Variants in STPG2 observed in about 807,000 individuals in gnomAD.
STPG2 encodes the protein sperm-tail PG-rich repeat-containing protein 2.
STPG2 carries 56 observed loss-of-function variants against 54.2 expected under a neutral mutation model. The ratio of observed to expected loss-of-function variants is 1.03; its 90% confidence interval spans 0.83 to 1.29. The LOEUF is 1.29. STPG2 is among the 50% of genes most tolerant of loss of function. The pLI is 0.00. For synonymous variants in STPG2, 200 were observed against 181.8 expected (o/e 1.10, Z -0.81); for missense variants, 596 against 544.9 (o/e 1.09, Z -0.93).
chr4:97,646,938 A>G (rs923975490), intron 10 of STPG2, among the ~76,000 whole-genome samples: 4 of 152,130 alleles, frequency 2.6e-5, no homozygotes, highest in African/African-American at 9.7e-5. Context: ...GATAGTCATT[A>G]GGCGTCTCGA....
At chr4:97,815,593 T>G (rs1727883605) in intron 9 of STPG2, among the ~76,000 whole-genome samples, 1 of 152,182 alleles carries the variant, frequency 6.6e-6, no homozygotes, top group South Asian at 2.1e-4. Flanking sequence ...TTATGGTATT[T>G]AAGTATTGTT....
intron 8 of STPG2, among the ~76,000 whole-genome samples, chr4:97,931,356 C>T (rs1006881637): frequency 6.6e-6 from 1 of 152,142 alleles, no homozygotes; most frequent in Non-Finnish European, 1.5e-5. Flanking sequence ...GGGAAATATT[C>T]ATTCAATACC....
At chr4:97,880,354 G>A (rs1730325202) in intron 8 of STPG2, among the ~76,000 whole-genome samples, 1 of 152,178 alleles carries the variant, frequency 6.6e-6, no homozygotes, top group Non-Finnish European at 1.5e-5. Flanking sequence ...AAGCAAAATA[G>A]CAACTGGCAA....
At chr4:97,796,454 G>C (rs1727183111) in intron 9 of STPG2, among the ~76,000 whole-genome samples, 1 of 152,148 alleles carries the variant, frequency 6.6e-6, no homozygotes. Flanking sequence ...TTATTAAATA[G>C]GGAATCCTTT....
chr4:97,700,760 A>C (rs984531284), intron 10 of STPG2, among the ~76,000 whole-genome samples: 2 of 152,224 alleles, frequency 1.3e-5, no homozygotes, highest in Non-Finnish European at 2.9e-5. Context: ...TAGGACTGTA[A>C]AGGTATAATG....
intron 8 of STPG2, among the ~76,000 whole-genome samples, chr4:97,876,762 G>A (rs763851164): frequency 1.3e-5 from 2 of 151,762 alleles, no homozygotes; most frequent in African/African-American, 2.4e-5. Flanking sequence ...TACATAAACA[G>A]TATTTCATTA....
chr4:97,995,046 G>T (rs1735157764), intron 5 of STPG2, among the ~76,000 whole-genome samples: 1 of 151,946 alleles, frequency 6.6e-6, no homozygotes, highest in Non-Finnish European at 1.5e-5. Context: ...GATTATGGTT[G>T]TCTTTGCTGC....
chr4:97,965,314 G>C (rs1020450636), intron 7 of STPG2, among the ~76,000 whole-genome samples: 1 of 152,194 alleles, frequency 6.6e-6, no homozygotes, highest in Non-Finnish European at 1.5e-5. Context: ...GCTGAGGCTT[G>C]AGTAGGTAAA....
At chr4:98,010,223 TA>T (rs1735702508) in intron 5 of STPG2, among the ~76,000 whole-genome samples, 1 of 152,130 alleles carries the variant, frequency 6.6e-6, no homozygotes, top group African/African-American at 2.4e-5. Context: ...TTGATGTAGG[TA>T]TTTATTGATA....
chr4:97,785,050 C>A (rs1465452827), intron 9 of STPG2, among the ~76,000 whole-genome samples: 1 of 151,988 alleles, frequency 6.6e-6, no homozygotes, highest in African/African-American at 2.4e-5. Context: ...AGAGGTGCTA[C>A]AATTTTCTTA....
At chr4:97,529,394 T>C (rs1731362833) in intron 4 of STPG2, among the ~76,000 whole-genome samples, 1 of 152,218 alleles carries the variant, frequency 6.6e-6, no homozygotes. Flanking sequence ...CAGTATTTTA[T>C]TGAGGATTTT....
intron 3 of STPG2, among the ~76,000 whole-genome samples, chr4:98,119,308 T>C (rs1560687890): frequency 6.6e-6 from 1 of 152,028 alleles, no homozygotes; most frequent in Non-Finnish European, 1.5e-5. Flanking sequence ...TAAACAAACC[T>C]TCAGATATTC....
chr4:98,114,589 C>T (rs1739454072), intron 3 of STPG2, among the ~76,000 whole-genome samples: 1 of 151,918 alleles, frequency 6.6e-6, no homozygotes, highest in Admixed American at 6.6e-5. Flanking sequence ...GGATTCAAGA[C>T]CTTGAGCAGG....
chr4:97,566,217 C>T (rs1263361019), intron 10 of STPG2, among the ~76,000 whole-genome samples: 1 of 152,164 alleles, frequency 6.6e-6, no homozygotes, highest in East Asian at 1.9e-4. Flanking sequence ...AGTGATACTC[C>T]ATGGGCATAG....
At chr4:97,860,058 A>G (rs1170178265) in intron 8 of STPG2, among the ~76,000 whole-genome samples, 1 of 152,138 alleles carries the variant, frequency 6.6e-6, no homozygotes, top group East Asian at 1.9e-4. Flanking sequence ...TTTATTTCTG[A>G]GTTCTCTATT....
intron 10 of STPG2, among the ~76,000 whole-genome samples, chr4:97,629,761 A>G (rs1276866707): frequency 6.6e-6 from 1 of 151,958 alleles, no homozygotes; most frequent in African/African-American, 2.4e-5. Flanking sequence ...GCATCTTGAA[A>G]TATGTTAGGG....
intron 7 of STPG2, among the ~76,000 whole-genome samples, chr4:97,969,516 C>T (rs185012507): frequency 6.6e-6 from 1 of 152,270 alleles, no homozygotes; most frequent in Admixed American, 6.5e-5. Context: ...CCAGCTTTCA[C>T]TATTTTCTGT....
chr4:98,030,325 C>G (rs898176567), intron 5 of STPG2, among the ~76,000 whole-genome samples: 6 of 152,278 alleles, frequency 3.9e-5, no homozygotes, highest in African/African-American at 1.4e-4. Context: ...GATGTGATAA[C>G]TATCTCTACT....
intron 10 of STPG2, among the ~76,000 whole-genome samples, chr4:97,611,096 G>A (rs1733719251): frequency 6.6e-6 from 1 of 151,870 alleles, no homozygotes; most frequent in South Asian, 2.1e-4. Flanking sequence ...TAGAATTTCT[G>A]CCTTCACAAG....
Sources: allele counts gnomAD v4.1 joint callset (sites outside exome capture counted in the v4.1 genomes callset), GRCh38; gene constraint gnomAD v4.1.1; transcripts MANE v1.5; gene names NCBI Gene and HGNC (gene_info 2026-07-23, HGNC 2026-07-21).